The following SYNE2 variants were observed in gnomAD, a reference collection of about 807,000 sequenced individuals.
The protein encoded by SYNE2 is spectrin repeat containing nuclear envelope protein 2.
In SYNE2, 431 loss-of-function variants were observed where a neutral mutation model predicts 856.3. That is an observed-to-expected ratio of 0.50 (90% CI 0.47 to 0.55). SYNE2 has a LOEUF of 0.55. SYNE2 is among the 20% of genes least tolerant of loss of function. The pLI is 0.00. For synonymous variants in SYNE2, 2,923 were observed against 2,872.3 expected (o/e 1.02, Z -0.56); for missense variants, 8,129 against 8,023.2 (o/e 1.01, Z -0.50).
In SYNE2 at chr14:64,159,458, T is replaced by TAA. The variant is rs2098311336; in HGVS notation, c.16094+17_16094+18dup. ...CTCATAAAAGGTATGCTTTCAGATATAATTTGAATGATAGATATCTTTATC... is the reference window on the plus strand; with the variant it reads ...CTCATAAAAGGTATGCTTTCAGATATAAAATTTGAATGATAGATATCTTTATC... On this transcript the variant is annotated intron_variant, in intron 87 of 115. Coordinates refer to ENST00000555002, the MANE Select transcript of SYNE2 (RefSeq NM_182914.3). 6.2e-7 allele frequency: 1 copy of TAA among 1,612,262 alleles called. No individual in the cohort carries two copies. Among genetic ancestry groups the TAA allele is most frequent in the African/African-American group, 1.3e-5 (1 of 74,900 alleles).
In SYNE2 at chr14:64,209,543, T is replaced by C; in HGVS notation, c.18505T>C (p.Tyr6169His). ...AACPNSSEVL[Y>H]TSAKEELKRF... Reference sequence around the variant, plus strand: ...CTGCCCAAATTCCTCAGAGGTGTTGTACACGAGTGCCAAAGAGGAACTGAA... The same window carrying C: ...CTGCCCAAATTCCTCAGAGGTGTTGCACACGAGTGCCAAAGAGGAACTGAA... The change falls in exon 102 of 116, where the codon TAC becomes CAC. Residue 6169 changes from tyrosine (Y) to histidine (H), a missense_variant. Tyr to His is a moderately conservative substitution (Grantham distance 83). Around this residue, in one of 3 missense-constraint regions of SYNE2, gnomAD observed 5,410 missense variants for 5,284.8 expected, o/e 1.02. Coordinates refer to ENST00000555002, the MANE Select transcript of SYNE2 (RefSeq NM_182914.3). The C allele has an allele frequency of 6.2e-7, 1 of 1,614,214 alleles. No homozygotes were observed. Among genetic ancestry groups the C allele is most frequent in the Non-Finnish European group, 8.5e-7 (1 of 1,180,036 alleles).
At chr14:63,929,144 C>A (rs1340767473) in intron 2 of SYNE2, among the ~76,000 whole-genome samples, 1 of 152,082 alleles carries the variant, frequency 6.6e-6, no homozygotes, top group African/African-American at 2.4e-5. Flanking sequence ...TCCTAGATAG[C>A]TTCAGGATGG....
rs151256085 is a variant in SYNE2, at chr14:63,948,156, G to GACACAC, written c.409-1665_409-1660dup. Among the ~76,000 whole-genome samples the GACACAC allele has an allele frequency of 3.9e-3, 485 of 124,406 alleles. 2 individuals are homozygous for GACACAC. Among genetic ancestry groups the GACACAC allele is most frequent in the Middle Eastern group, 0.017 (4 of 232 alleles). 81.6% of individuals were successfully genotyped at this position (124,406 alleles called of 152,430 possible). A position where few individuals can be genotyped will look rare whatever the true frequency, so the allele number is the denominator to read the frequency against. On this transcript the variant is annotated intron_variant, in intron 6 of 115. Transcript: ENST00000555002. ...GTGCGTGCGCGCACATACACACACAGACACACACATACACACACACACACA... is the reference window on the plus strand; with the variant it reads ...GTGCGTGCGCGCACATACACACACAGACACACACACACACATACACACACACACACA...
intron 1 of SYNE2, among the ~76,000 whole-genome samples, chr14:63,894,982 GTT>G (rs2095220722): frequency 1.3e-5 from 2 of 152,164 alleles, no homozygotes; most frequent in African/African-American, 4.8e-5. Context: ...GCTTTAGCAT[GTT>G]GTCTACAAAT....
intron 90 of SYNE2, among the ~76,000 whole-genome samples, chr14:64,165,629 C>T (rs1333091172): frequency 2.6e-5 from 4 of 152,130 alleles, no homozygotes; most frequent in Non-Finnish European, 5.9e-5. Flanking sequence ...TCTCCTGCCT[C>T]AGCCTCCCAA....
At chr14:63,921,454 A>G (rs774270075) in intron 2 of SYNE2, among the ~76,000 whole-genome samples, 1 of 152,188 alleles carries the variant, frequency 6.6e-6, no homozygotes, top group African/African-American at 2.4e-5. Flanking sequence ...ACACAGATAG[A>G]AAAAGCAACA....
At chr14:64,189,992 G>C (rs2098510570) in intron 98 of SYNE2, 79 bp from the exon 99 acceptor site, 2 of 1,467,154 alleles carry the variant, frequency 1.4e-6, no homozygotes, top group Non-Finnish European at 1.9e-6. Flanking sequence ...AATTTCAAGA[G>C]GTAACTCTAT....
intron 8 of SYNE2, 90 bp from the exon 9 acceptor site, chr14:63,961,435 C>T (rs1027643781): frequency 4.6e-6 from 5 of 1,088,702 alleles, no homozygotes; most frequent in South Asian, 1.3e-5. Context: ...GCCTGTGAAC[C>T]AAATGGCAGA....
intron 78 of SYNE2, 33 bp from the exon 79 acceptor site, chr14:64,137,754 A>C (rs916952862): frequency 3.1e-6 from 5 of 1,610,794 alleles, no homozygotes; most frequent in Non-Finnish European, 4.2e-6. Context: ...TTATTTTCTA[A>C]ATAATTCATT....
intron 14 of SYNE2, 115 bp from the exon 15 acceptor site, chr14:63,980,539 C>T: frequency 2.9e-6 from 2 of 696,986 alleles, no homozygotes; most frequent in Non-Finnish European, 5.2e-6. Flanking sequence ...GTATTAAAGC[C>T]CTAAAGAAAT....
chr14:64,129,562 G>A (rs2097990655), intron 74 of SYNE2, among the ~76,000 whole-genome samples: 1 of 152,176 alleles, frequency 6.6e-6, no homozygotes, highest in Non-Finnish European at 1.5e-5. Flanking sequence ...AGTTCATTGA[G>A]TTTAGGGATA....
intron 1 of SYNE2, among the ~76,000 whole-genome samples, chr14:63,820,417 G>A (rs190120514): frequency 4.9e-4 from 74 of 152,274 alleles, no homozygotes; most frequent in Middle Eastern, 6.8e-3. Flanking sequence ...GAATGGATCA[G>A]AGACATAAAT....
intron 65 of SYNE2, among the ~76,000 whole-genome samples, chr14:64,110,265 GT>G (rs202147985): frequency 6.6e-6 from 1 of 151,940 alleles, no homozygotes; most frequent in Admixed American, 6.6e-5. Flanking sequence ...TTTAACTGCA[GT>G]TTTTTTTACT....
intron 92 of SYNE2, among the ~76,000 whole-genome samples, chr14:64,168,632 A>G (rs1379751040): frequency 6.6e-6 from 1 of 152,234 alleles, no homozygotes; most frequent in Non-Finnish European, 1.5e-5. Flanking sequence ...AGTGCCTACC[A>G]AATCGTAAAT....
chr14:64,142,841 AATTTC>A (rs2098150557), intron 82 of SYNE2, among the ~76,000 whole-genome samples: 1 of 152,226 alleles, frequency 6.6e-6, no homozygotes, highest in South Asian at 2.1e-4. Flanking sequence ...TGTGATATTT[AATTTC>A]AAGTAGATTT....
At chr14:64,028,485 C>A (rs939009740) in intron 43 of SYNE2, among the ~76,000 whole-genome samples, 1 of 152,000 alleles carries the variant, frequency 6.6e-6, no homozygotes, top group Non-Finnish European at 1.5e-5. Context: ...GACCTCCTGG[C>A]CTTATATAAT....
rs748907033 is a variant in SYNE2 at position 63,982,725 on chromosome 14, A to T, written c.1932A>T (p.Gly644=). Residue 644 remains glycine (G), a synonymous_variant, in exon 17 of 116, where the codon GGA becomes GGT. Coordinates refer to ENST00000555002, the MANE Select transcript of SYNE2 (RefSeq NM_182914.3). The part of the protein sequence containing the change: ...FLVEVSNDVV[G]SSISKELRRL... ...TCGAAGTCAGCAATGATGTGGTTGG[A>T]TCATCTATTTCTAAAGAACTGAGAA... is the stretch of plus-strand genomic sequence containing the variant. The T allele has an allele frequency of 1.2e-6, 2 of 1,614,078 alleles. No individual in the cohort carries two copies. Among genetic ancestry groups the T allele is most frequent in the Non-Finnish European group, 1.7e-6 (2 of 1,179,978 alleles).
chr14:64,011,208 G>C (rs932029160), intron 32 of SYNE2, among the ~76,000 whole-genome samples: 4 of 152,216 alleles, frequency 2.6e-5, no homozygotes, highest in Admixed American at 6.5e-5. Context: ...GAGCTGGCCA[G>C]TCGGAAGCAG....
chr14:64,170,225 C>A lies in SYNE2; in HGVS notation c.17001-3C>A, dbSNP rs1321788690. 2 of 1,613,450 alleles carry A rather than the reference C, an allele frequency of 1.2e-6. No individual in the cohort carries two copies. Among genetic ancestry groups the A allele is most frequent in the Non-Finnish European group, 1.7e-6 (2 of 1,179,938 alleles). On this transcript the variant is annotated splice_region_variant and splice_polypyrimidine_tract_variant and intron_variant, in intron 93 of 115. Coordinates refer to ENST00000555002, the MANE Select transcript of SYNE2 (RefSeq NM_182914.3). ...GATTCTATAACCATTTGTTTTTCCC[C>A]AGACCAGAATTTATTACAGAATTCT... is the stretch of plus-strand genomic sequence containing the variant.
Sources: allele counts gnomAD v4.1 joint callset (sites outside exome capture counted in the v4.1 genomes callset), GRCh38; gene constraint gnomAD v4.1.1; regional missense constraint gnomAD v4.1.1; transcripts MANE v1.5; gene names NCBI Gene and HGNC (gene_info 2026-07-23, HGNC 2026-07-21).